CACNG5: variants seen among roughly 807,000 people sequenced by gnomAD.
The protein encoded by CACNG5 is calcium voltage-gated channel auxiliary subunit gamma 5.
In CACNG5, 18 loss-of-function variants were observed where a neutral mutation model predicts 24.8. That is an observed-to-expected ratio of 0.73 (90% CI 0.50 to 1.08). CACNG5 has a LOEUF of 1.08. Among genes scored for constraint, CACNG5 ranks in the 50% least tolerant of loss-of-function variants. The pLI, the probability that CACNG5 is intolerant of heterozygous loss-of-function variation, is 0.00. For synonymous variants in CACNG5, 157 were observed against 149.1 expected (o/e 1.05, Z -0.39); for missense variants, 349 against 367.9 (o/e 0.95, Z 0.42).
At chr17:66,865,069 A>G (rs138678881) in intron 1 of CACNG5, among the ~76,000 whole-genome samples, 128 of 152,324 alleles carry the variant, frequency 8.4e-4, no homozygotes, top group African/African-American at 3.0e-3. Flanking sequence ...ATCGTTCAAC[A>G]GTAGTTTTAA....
At chr17:66,835,865 G>A (rs1400126658) in intron 1 of CACNG5, among the ~76,000 whole-genome samples, 1 of 152,284 alleles carries the variant, frequency 6.6e-6, no homozygotes, top group African/African-American at 2.4e-5. Context: ...TGCTGGGCGT[G>A]AGGTGTCAAC....
intron 4 of CACNG5, among the ~76,000 whole-genome samples, chr17:66,881,726 C>T (rs1977160451): frequency 2.0e-5 from 3 of 150,656 alleles, no homozygotes; most frequent in Admixed American, 1.3e-4. Context: ...GACTGAAACT[C>T]AGGGCAAATG....
At position 66,861,097 on chromosome 17, in the gene CACNG5, T is replaced by G. The variant is rs376274331; in HGVS notation, c.-103-16133T>G. On this transcript the variant is annotated intron_variant, in intron 1 of 5. Coordinates refer to ENST00000533854, the MANE Select transcript of CACNG5 (RefSeq NM_145811.3). ...TCGACAGATATAAAAAGCCATTGTA[T>G]AAAAATATGTATACAATTGAATTGT... is the stretch of plus-strand genomic sequence containing the variant. Among the ~76,000 whole-genome samples, 49 of 152,320 alleles carry G rather than the reference T, an allele frequency of 3.2e-4. 2 individuals carry two copies. In the South Asian group the frequency reaches 9.7e-3, roughly 30 times the overall value.
At chr17:66,863,626 C>T (rs1034468988) in intron 1 of CACNG5, among the ~76,000 whole-genome samples, 1 of 152,182 alleles carries the variant, frequency 6.6e-6, no homozygotes, top group Non-Finnish European at 1.5e-5. Flanking sequence ...CTCATCCTCC[C>T]AAAGTGCTGG....
At chr17:66,878,677 TG>T (rs1977117254) in intron 2 of CACNG5, among the ~76,000 whole-genome samples, 1 of 152,174 alleles carries the variant, frequency 6.6e-6, no homozygotes, top group Non-Finnish European at 1.5e-5. Context: ...TGGCACCAGA[TG>T]TTCACTCAGC....
At chr17:66,862,817 T>C (rs571871683) in intron 1 of CACNG5, among the ~76,000 whole-genome samples, 13 of 151,682 alleles carry the variant, frequency 8.6e-5, no homozygotes, top group African/African-American at 3.1e-4. Flanking sequence ...TTCCACCAAA[T>C]AGATATGTAC....
intron 4 of CACNG5, among the ~76,000 whole-genome samples, chr17:66,883,552 T>C (rs1348788966): frequency 6.6e-6 from 1 of 152,250 alleles, no homozygotes; most frequent in East Asian, 1.9e-4. Context: ...TTGATAGAAC[T>C]GATGCCTGAG....
intron 1 of CACNG5, among the ~76,000 whole-genome samples, chr17:66,862,855 GTGCTGCATCTTA>G (rs1568067031): frequency 6.7e-6 from 1 of 149,546 alleles, no homozygotes; most frequent in Non-Finnish European, 1.5e-5. Flanking sequence ...GTATATGAGA[GTGCTGCATCTTA>G]CAACCTTGTC....
chr17:66,835,767 T>C (rs1976475015), intron 1 of CACNG5, among the ~76,000 whole-genome samples: 1 of 151,762 alleles, frequency 6.6e-6, no homozygotes, highest in African/African-American at 2.4e-5. Flanking sequence ...GAAGGGTTGA[T>C]AGGAGGAGGT....
At chr17:66,867,539 T>C (rs1322779875) in intron 1 of CACNG5, among the ~76,000 whole-genome samples, 1 of 152,220 alleles carries the variant, frequency 6.6e-6, no homozygotes, top group Non-Finnish European at 1.5e-5. Flanking sequence ...TCATAAAATC[T>C]TTGCCCATGC....
chr17:66,857,799 C>T (rs939976709), intron 1 of CACNG5, among the ~76,000 whole-genome samples: 1 of 152,174 alleles, frequency 6.6e-6, no homozygotes, highest in Non-Finnish European at 1.5e-5. Flanking sequence ...GCCTTGGCTG[C>T]ACATTAGAAT....
intron 1 of CACNG5, among the ~76,000 whole-genome samples, chr17:66,839,708 C>A (rs1296143579): frequency 1.3e-5 from 2 of 151,908 alleles, no homozygotes; most frequent in Non-Finnish European, 2.9e-5. Flanking sequence ...AGTGTGGGAG[C>A]AGCTGGGTGG....
Position 66,885,528 on chromosome 17 carries a change from C to A in CACNG5, c.*288C>A, listed in dbSNP as rs1977246844. ...AGTGGCTCCAGGAAGCCAGCAGCTC[C>A]CCCCAAGCCCAGGAGACACCGATGT... On this transcript the variant is annotated 3_prime_UTR_variant, in exon 6 of 6. Transcript: ENST00000533854. The A allele has an allele frequency of 1.2e-5, 5 of 431,846 alleles. No individual in the cohort carries two copies. In the South Asian group the frequency reaches 2.3e-4, roughly 20 times the overall value. 26.8% of individuals were successfully genotyped at this position (431,846 alleles called of 1,614,324 possible).
At chr17:66,873,512 AT>A (rs1298695583) in intron 1 of CACNG5, among the ~76,000 whole-genome samples, 1 of 152,074 alleles carries the variant, frequency 6.6e-6, no homozygotes, top group Non-Finnish European at 1.5e-5. Flanking sequence ...AATCTTTTTC[AT>A]CTCCCTGCCA....
At chr17:66,884,954 G>A (rs374571961) in intron 5 of CACNG5, 29 bp from the exon 6 acceptor site, 149 of 1,613,940 alleles carry the variant, frequency 9.2e-5, no homozygotes, top group African/African-American at 7.6e-4. Context: ...CCAGCAGCGA[G>A]CCCATCCTCT....
At chr17:66,844,685 TATG>T (rs4021794) in intron 1 of CACNG5, among the ~76,000 whole-genome samples, 34,674 of 151,960 alleles carry the variant, frequency 0.23, 4,082 homozygotes, top group Admixed American at 0.3. Context: ...AGGGAATGGC[TATG>T]ATGATGACAA....
In CACNG5 at chr17:66,845,400, G is replaced by A. The variant is rs1976624100; in HGVS notation, c.-104+10150G>A. 2.0e-5 allele frequency among the ~76,000 whole-genome samples: 3 copies of A among 151,186 alleles called. 1 individual carries two copies. The highest frequency in any genetic ancestry group is 2.1e-4 in the South Asian group (1 of 4,790). ...GGTGTAGCAAACCACCATGGCACAC[G>A]TATACCTATGTAACAAACCTGCACA... On this transcript the variant is annotated intron_variant, in intron 1 of 5. Coordinates refer to ENST00000533854, the MANE Select transcript of CACNG5 (RefSeq NM_145811.3).
At chr17:66,883,238 G>A (rs1977190291) in intron 4 of CACNG5, among the ~76,000 whole-genome samples, 1 of 152,120 alleles carries the variant, frequency 6.6e-6, no homozygotes. Flanking sequence ...TGAACTTCAC[G>A]ATAGCCAAAG....
intron 1 of CACNG5, among the ~76,000 whole-genome samples, chr17:66,856,438 A>C (rs1241007985): frequency 6.6e-6 from 1 of 152,186 alleles, no homozygotes; most frequent in East Asian, 1.9e-4. Context: ...CATCTTGCAA[A>C]ATTATAGTAC....
Sources: allele counts gnomAD v4.1 joint callset (sites outside exome capture counted in the v4.1 genomes callset), GRCh38; gene constraint gnomAD v4.1.1; transcripts MANE v1.5; gene names NCBI Gene and HGNC (gene_info 2026-07-23, HGNC 2026-07-21).